The following ARHGAP12 variants were observed in gnomAD, a reference collection of about 807,000 sequenced individuals.
ARHGAP12 encodes Rho GTPase activating protein 12.
Under a neutral mutation model 108.6 loss-of-function variants are expected in ARHGAP12, and 64 were observed. The ratio of observed to expected loss-of-function variants is 0.59; its 90% CI spans 0.48 to 0.73. The LOEUF (loss-of-function observed/expected upper bound fraction) is 0.73, where lower values mean the gene tolerates loss of function less well. Ranked by LOEUF, ARHGAP12 falls within the 30% of genes least tolerant of loss-of-function variation. The pLI is 0.00. For synonymous variants in ARHGAP12, 312 were observed against 337.2 expected (o/e 0.93, Z 0.82); for missense variants, 940 against 1,005.9 (o/e 0.93, Z 0.89).
intron 13 of ARHGAP12, among the ~76,000 whole-genome samples, chr10:31,816,093 G>A (rs768793557): frequency 4.1e-4 from 62 of 151,826 alleles, no homozygotes; most frequent in African/African-American, 1.3e-3. Flanking sequence ...GGAGGTTGCC[G>A]TGAGCTAAGA....
chr10:31,834,274 G>A (rs1424019044), intron 9 of ARHGAP12, among the ~76,000 whole-genome samples: 3 of 152,188 alleles, frequency 2.0e-5, no homozygotes, highest in Non-Finnish European at 4.4e-5. Context: ...TTTGTACGTT[G>A]AAATCTAATC....
intron 6 of ARHGAP12, among the ~76,000 whole-genome samples, chr10:31,848,721 C>A (rs535487065): frequency 6.6e-6 from 1 of 152,128 alleles, no homozygotes; most frequent in Admixed American, 6.5e-5. Flanking sequence ...TAAATGAAAG[C>A]CTTCATTTAA....
chr10:31,926,419 G>A (rs1840049924), intron 1 of ARHGAP12, among the ~76,000 whole-genome samples: 1 of 151,738 alleles, frequency 6.6e-6, no homozygotes, highest in Non-Finnish European at 1.5e-5. Context: ...GAAGTACAGT[G>A]ATGCTATGTC....
chr10:31,845,108 G>C (rs1564385496), intron 6 of ARHGAP12, among the ~76,000 whole-genome samples: 1 of 151,924 alleles, frequency 6.6e-6, no homozygotes, highest in Non-Finnish European at 1.5e-5. Context: ...CATGTTCTTA[G>C]TTACAACTCT....
chr10:31,880,661 C>T (rs1426002063), intron 3 of ARHGAP12, among the ~76,000 whole-genome samples: 1 of 151,944 alleles, frequency 6.6e-6, no homozygotes, highest in Admixed American at 6.6e-5. Context: ...CAAACTATCC[C>T]CAGCAATTAT....
chr10:31,926,337 A>G lies in ARHGAP12; in HGVS notation c.-111+2346T>C, dbSNP rs555196055. 5.2e-4 allele frequency among the ~76,000 whole-genome samples: 21 copies of G among 40,702 alleles called. No individual in the cohort carries two copies. The East Asian group carries it at 5.5e-3, about 11-fold the overall frequency. The allele number at this position is 40,702 out of a possible 152,430, so 26.7% of individuals were successfully genotyped here. On this transcript the variant is annotated intron_variant, in intron 1 of 19. Coordinates refer to ENST00000344936, the MANE Select transcript of ARHGAP12 (RefSeq NM_018287.7). ...ATGAGCCGGGGCCAGCTAACTGAAG[A>G]AAAAAAAAAAAAACCACAAGGATAG...
intron 6 of ARHGAP12, among the ~76,000 whole-genome samples, chr10:31,845,778 C>CTG (rs1836437024): frequency 6.6e-6 from 1 of 151,954 alleles, no homozygotes; most frequent in Non-Finnish European, 1.5e-5. Flanking sequence ...GAGTGATAGT[C>CTG]TGTCTCAAAA....
chr10:31,825,641 G>A (rs1835577303), intron 11 of ARHGAP12, among the ~76,000 whole-genome samples: 2 of 152,164 alleles, frequency 1.3e-5, no homozygotes, highest in South Asian at 2.1e-4. Context: ...CTATCCCAGC[G>A]TTAAGGAGAC....
At chr10:31,841,602 A>C in intron 7 of ARHGAP12, among the ~76,000 whole-genome samples, 1 of 152,220 alleles carries the variant, frequency 6.6e-6, no homozygotes, top group East Asian at 1.9e-4. Flanking sequence ...TTACTGAATG[A>C]TTTTGCCCCA....
At chr10:31,890,040 T>A (rs1053297691) in intron 3 of ARHGAP12, among the ~76,000 whole-genome samples, 2 of 152,166 alleles carry the variant, frequency 1.3e-5, no homozygotes, top group African/African-American at 4.8e-5. Flanking sequence ...AGAACTAATA[T>A]TGTACCAAGT....
At chr10:31,909,030 T>C (rs1031658887) in intron 2 of ARHGAP12, 104 bp from the exon 3 acceptor site, 2 of 610,340 alleles carry the variant, frequency 3.3e-6, no homozygotes, top group Non-Finnish European at 5.4e-6. Flanking sequence ...TTAAAGAACA[T>C]TACTTCAAAT....
In ARHGAP12 at chr10:31,841,043, GAATAAAA is replaced by G. The variant is rs1283442129; in HGVS notation, c.1297-1339_1297-1333del. On this transcript the variant is annotated intron_variant, in intron 7 of 19. Transcript: ENST00000344936. Reference sequence around the variant, plus strand: ...TTCATAAAGTAGAAAATAAGTAACTGAATAAAATGATAATTATATTTTTCATAGCACA... The same window carrying G: ...TTCATAAAGTAGAAAATAAGTAACTGTGATAATTATATTTTTCATAGCACA... 3.0e-3 allele frequency among the ~76,000 whole-genome samples: 457 copies of G among 151,886 alleles called. 5 individuals are homozygous for G. The highest frequency in any genetic ancestry group is 0.01 in the African/African-American group (417 of 41,446).
intron 9 of ARHGAP12, among the ~76,000 whole-genome samples, chr10:31,834,020 G>GA (rs1835925909): frequency 6.6e-6 from 1 of 152,142 alleles, no homozygotes; most frequent in Non-Finnish European, 1.5e-5. Flanking sequence ...CAGTGACAGA[G>GA]AAAAGGGGCC....
At chr10:31,883,033 C>T (rs1228773524) in intron 3 of ARHGAP12, among the ~76,000 whole-genome samples, 1 of 151,774 alleles carries the variant, frequency 6.6e-6, no homozygotes, top group Non-Finnish European at 1.5e-5. Flanking sequence ...CAGTGGCTCA[C>T]ACCTGTAATC....
chr10:31,855,719 ATTAAT>A (rs1836862244), intron 4 of ARHGAP12, among the ~76,000 whole-genome samples: 1 of 152,250 alleles, frequency 6.6e-6, no homozygotes, highest in South Asian at 2.1e-4. Context: ...AATTAGTAAA[ATTAAT>A]TTAAGAAACA....
rs754395056 is a variant in ARHGAP12 at position 31,854,135 on chromosome 10, T to C, written c.1020A>G (p.Pro340=). 6.2e-7 allele frequency: 1 copy of C among 1,613,952 alleles called. No homozygotes were observed. Among genetic ancestry groups the C allele is most frequent in the Non-Finnish European group, 8.5e-7 (1 of 1,179,914 alleles). The change falls in exon 5 of 20, where the codon CCA becomes CCG. Residue 340 remains proline, a synonymous_variant. Coordinates refer to ENST00000344936, the MANE Select transcript of ARHGAP12 (RefSeq NM_018287.7). ...SQSDSQCGSP[P]RGWSEELDER... ...CATCCAACTCTTCTGACCAACCCCT[T>C]GGAGGAGAACCACACTGACTATCTG...
At chr10:31,829,259 T>A (rs975077193) in intron 10 of ARHGAP12, among the ~76,000 whole-genome samples, 1 of 152,122 alleles carries the variant, frequency 6.6e-6, no homozygotes, top group African/African-American at 2.4e-5. Flanking sequence ...ATATAACATA[T>A]CATTCCACCA....
intron 4 of ARHGAP12, among the ~76,000 whole-genome samples, chr10:31,860,454 A>G (rs878978235): frequency 1.3e-5 from 2 of 152,256 alleles, no homozygotes; most frequent in South Asian, 2.1e-4. Flanking sequence ...GACTACTGAG[A>G]TAAGTGTTTC....
At chr10:31,866,860 C>A (rs1310262860) in intron 3 of ARHGAP12, among the ~76,000 whole-genome samples, 1 of 152,032 alleles carries the variant, frequency 6.6e-6, no homozygotes, top group Non-Finnish European at 1.5e-5. Flanking sequence ...TCAGGTGATC[C>A]ACCCGCCTCG....
Sources: allele counts gnomAD v4.1 joint callset (sites outside exome capture counted in the v4.1 genomes callset), GRCh38; gene constraint gnomAD v4.1.1; transcripts MANE v1.5; gene names NCBI Gene and HGNC (gene_info 2026-07-23, HGNC 2026-07-21).